TAFA4: variants seen among roughly 807,000 people sequenced by gnomAD.
TAFA4 encodes TAFA chemokine like family member 4.
TAFA4 carries 20 observed loss-of-function variants against 21.1 expected under a neutral mutation model. The ratio of observed to expected loss-of-function variants is 0.95; its 90% CI spans 0.67 to 1.38. The LOEUF is 1.38. Among genes scored for constraint, TAFA4 ranks in the 40% most tolerant of loss-of-function variants. The pLI, the probability that TAFA4 is intolerant of heterozygous loss-of-function variation, is 0.00. For missense variants in TAFA4, 211 were observed against 180.9 expected (o/e 1.17, Z -0.95); for synonymous variants, 71 against 67.4 (o/e 1.05, Z -0.26).
chr3:68,838,540 A>C (rs113008074), intron 3 of TAFA4, among the ~76,000 whole-genome samples: 20,479 of 152,162 alleles, frequency 0.13, 1,771 homozygotes, highest in African/African-American at 0.25. Flanking sequence ...ACAGCCAGGC[A>C]CTGTTCTAGG....
At position 68,905,150 on chromosome 3, in the gene TAFA4, C is replaced by CTT. The variant is rs145187037; in HGVS notation, c.-122-19842_-122-19841dup. ...TGACCAAGCCAGGCAAGATTTCTGC[C>CTT]TTTTTTTTTTTTTTTTTTTTTTTGT... On this transcript the variant is annotated intron_variant, in intron 1 of 5. Transcript: ENST00000295569. Among the ~76,000 whole-genome samples, 119 of 85,206 alleles carry CTT rather than the reference C, an allele frequency of 1.4e-3. 2 individuals carry two copies. The highest frequency in any genetic ancestry group is 5.0e-3 in the African/African-American group (107 of 21,336). The allele number at this position is 85,206 out of a possible 152,430, so 55.9% of individuals were successfully genotyped here. A position where few individuals can be genotyped will look rare whatever the true frequency, so the allele number is the denominator to read the frequency against.
chr3:68,884,435 T>G (rs1482181057), intron 2 of TAFA4, among the ~76,000 whole-genome samples: 2 of 152,238 alleles, frequency 1.3e-5, no homozygotes, highest in Non-Finnish European at 2.9e-5. Context: ...GTTTCCACTC[T>G]AGTTTCCTTC....
At chr3:68,827,254 A>T (rs1242270508) in intron 3 of TAFA4, among the ~76,000 whole-genome samples, 1 of 152,126 alleles carries the variant, frequency 6.6e-6, no homozygotes, top group Non-Finnish European at 1.5e-5. Context: ...CATGGCGTGT[A>T]TGTGCCACAT....
intron 4 of TAFA4, among the ~76,000 whole-genome samples, chr3:68,750,663 C>T (rs540398969): frequency 3.9e-5 from 6 of 152,296 alleles, no homozygotes; most frequent in Admixed American, 6.5e-5. Context: ...TTCACATTTT[C>T]TTTACTAAGA....
intron 3 of TAFA4, among the ~76,000 whole-genome samples, chr3:68,856,556 G>A (rs979614410): frequency 6.6e-6 from 1 of 152,018 alleles, no homozygotes. Context: ...AACTTCAGCA[G>A]GCTCCATAGG....
At chr3:68,887,765 G>T (rs537690144) in intron 1 of TAFA4, among the ~76,000 whole-genome samples, 5 of 152,150 alleles carry the variant, frequency 3.3e-5, no homozygotes, top group South Asian at 4.2e-4. Context: ...TGAATGCTGA[G>T]GTCCCACAGG....
chr3:68,834,986 G>T (rs1704488876), intron 3 of TAFA4, among the ~76,000 whole-genome samples: 1 of 152,180 alleles, frequency 6.6e-6, no homozygotes, highest in Admixed American at 6.5e-5. Flanking sequence ...ATCCTACTCA[G>T]GATAGAAGCC....
chr3:68,752,837 A>G (rs1702580819), intron 4 of TAFA4, 26 bp downstream of exon 4: 1 of 1,613,818 alleles, frequency 6.2e-7, no homozygotes, highest in Admixed American at 1.7e-5. Context: ...TTGAAATACC[A>G]GAGATGCTGA....
chr3:68,789,166 G>A (rs1036557424), intron 3 of TAFA4, among the ~76,000 whole-genome samples: 7 of 151,482 alleles, frequency 4.6e-5, no homozygotes, highest in African/African-American at 1.7e-4. Flanking sequence ...GGGAGGCAGA[G>A]CTTACAGTGA....
At chr3:68,762,850 C>T (rs532439238) in intron 3 of TAFA4, among the ~76,000 whole-genome samples, 3 of 152,204 alleles carry the variant, frequency 2.0e-5, no homozygotes, top group African/African-American at 7.2e-5. Context: ...ACAAGCCTAG[C>T]CAACATGGCA....
intron 3 of TAFA4, among the ~76,000 whole-genome samples, chr3:68,853,997 C>A (rs1287531680): frequency 6.6e-6 from 1 of 151,878 alleles, no homozygotes; most frequent in East Asian, 1.9e-4. Context: ...AATCCTCTTT[C>A]AATGAGAAAC....
At chr3:68,803,784 T>C (rs1703625689) in intron 3 of TAFA4, among the ~76,000 whole-genome samples, 1 of 145,284 alleles carries the variant, frequency 6.9e-6, no homozygotes, top group South Asian at 2.3e-4. Flanking sequence ...TAAGGGTCTC[T>C]ACATCTCTGA....
At chr3:68,802,902 G>C (rs1485413637) in intron 3 of TAFA4, among the ~76,000 whole-genome samples, 1 of 152,194 alleles carries the variant, frequency 6.6e-6, no homozygotes, top group South Asian at 2.1e-4. Context: ...TATAGAACTT[G>C]AAGTGGAGCT....
intron 3 of TAFA4, among the ~76,000 whole-genome samples, chr3:68,808,423 C>T (rs1017819118): frequency 1.3e-5 from 2 of 152,164 alleles, no homozygotes; most frequent in African/African-American, 2.4e-5. Context: ...AAAAGCTTTC[C>T]AAATTTCCAA....
intron 3 of TAFA4, among the ~76,000 whole-genome samples, chr3:68,801,378 G>A (rs567521599): frequency 1.3e-5 from 2 of 152,262 alleles, no homozygotes; most frequent in African/African-American, 4.8e-5. Context: ...GCCTTTGGGG[G>A]AAATATATAG....
rs998905725 is a variant in TAFA4, at chr3:68,932,280, A to T, written c.-163T>A. On this transcript the variant is annotated 5_prime_UTR_variant, in exon 1 of 6. Coordinates refer to ENST00000295569, the MANE Select transcript of TAFA4 (RefSeq NM_182522.5). ...ATCCAAGTCGGACCGGCGCGTCCGG[A>T]ACTAGGTACTGATCGCCGCACCGGA... 1.3e-5 allele frequency: 2 copies of T among 152,006 alleles called. No individual in the cohort carries two copies. The highest frequency in any genetic ancestry group is 2.9e-5 in the Non-Finnish European group (2 of 68,110). The allele number at this position is 152,006 out of a possible 1,614,324, so 9.4% of individuals were successfully genotyped here.
At chr3:68,817,938 T>TG in intron 3 of TAFA4, among the ~76,000 whole-genome samples, 1 of 152,182 alleles carries the variant, frequency 6.6e-6, no homozygotes, top group East Asian at 1.9e-4. Flanking sequence ...TAAAGTCACC[T>TG]GCATTTCCTC....
intron 3 of TAFA4, among the ~76,000 whole-genome samples, chr3:68,798,820 G>A (rs1440316432): frequency 2.0e-5 from 3 of 151,986 alleles, no homozygotes; most frequent in African/African-American, 4.8e-5. Context: ...ACTTTTTTAA[G>A]AGAAGCAGAA....
At chr3:68,889,410 A>C (rs12633110) in intron 1 of TAFA4, among the ~76,000 whole-genome samples, 1 of 151,864 alleles carries the variant, frequency 6.6e-6, no homozygotes, top group East Asian at 1.9e-4. Context: ...TTTCTTATCA[A>C]GGAAAATAGA....
Sources: gnomAD v4.1 joint callset for allele counts (sites outside exome capture counted in the v4.1 genomes callset) on GRCh38, gnomAD v4.1.1 for gene constraint, MANE v1.5 for transcripts, NCBI Gene and HGNC (gene_info 2026-07-23, HGNC 2026-07-21) for gene names.